Variants in UGGT2 observed in about 807,000 individuals in gnomAD.
UGGT2 encodes UDP-glucose:glycoprotein glucosyltransferase 2.
Under a neutral mutation model 192.1 loss-of-function variants are expected in UGGT2, and 180 were observed. The observed-to-expected ratio is 0.94, with a 90% CI of 0.83 to 1.06. The LOEUF (loss-of-function observed/expected upper bound fraction) is 1.06, where lower values mean the gene tolerates loss of function less well. Ranked by LOEUF, UGGT2 falls within the 50% of genes least tolerant of loss-of-function variation. The pLI, the probability that UGGT2 is intolerant of heterozygous loss-of-function variation, is 0.00. For missense variants in UGGT2, 1,849 were observed against 1,795.7 expected, an observed-to-expected ratio of 1.03 and a Z score of -0.54; for synonymous variants, 580 against 591.0, an observed-to-expected ratio of 0.98 and a Z score of 0.27.
chr13:95,933,666 A>C (rs1160879171), intron 17 of UGGT2, among the ~76,000 whole-genome samples: 1 of 144,024 alleles, frequency 6.9e-6, no homozygotes, highest in Admixed American at 6.9e-5. Context: ...ATTTTGAGAT[A>C]GTTCTAAATT....
At chr13:95,851,577 G>C (rs983785265) in intron 36 of UGGT2, among the ~76,000 whole-genome samples, 1 of 152,180 alleles carries the variant, frequency 6.6e-6, no homozygotes, top group Non-Finnish European at 1.5e-5. Flanking sequence ...AGAGAGTCAA[G>C]AGAGTGTCAA....
At chr13:95,864,188 C>T (rs1387610877) in intron 30 of UGGT2, among the ~76,000 whole-genome samples, 1 of 152,064 alleles carries the variant, frequency 6.6e-6, no homozygotes, top group Non-Finnish European at 1.5e-5. Flanking sequence ...TTTATTCCCA[C>T]AATCCCAACA....
intron 20 of UGGT2, among the ~76,000 whole-genome samples, chr13:95,915,924 G>C (rs2048668557): frequency 6.6e-6 from 1 of 152,210 alleles, no homozygotes; most frequent in Non-Finnish European, 1.5e-5. Context: ...TTCCCAGTGG[G>C]AGAAGCGGCT....
intron 2 of UGGT2, among the ~76,000 whole-genome samples, chr13:96,028,385 A>C (rs1219983688): frequency 6.6e-6 from 1 of 152,236 alleles, no homozygotes; most frequent in African/African-American, 2.4e-5. Flanking sequence ...AAAACCACTA[A>C]AATCTTCAAG....
At chr13:95,889,840 A>T (rs1313767780) in intron 25 of UGGT2, among the ~76,000 whole-genome samples, 1 of 152,176 alleles carries the variant, frequency 6.6e-6, no homozygotes, top group Non-Finnish European at 1.5e-5. Flanking sequence ...CATTCTGGTC[A>T]GTGAGAAGTG....
intron 17 of UGGT2, among the ~76,000 whole-genome samples, chr13:95,927,601 A>G (rs999725421): frequency 2.6e-5 from 4 of 152,012 alleles, no homozygotes; most frequent in African/African-American, 9.7e-5. Context: ...TGAGCAGGAC[A>G]ATTCTCATTA....
intron 36 of UGGT2, among the ~76,000 whole-genome samples, chr13:95,842,529 A>G (rs1451710266): frequency 6.6e-6 from 1 of 152,026 alleles, no homozygotes; most frequent in Non-Finnish European, 1.5e-5. Flanking sequence ...ATAATTCCTG[A>G]CTTCTGGTAT....
chr13:95,826,742 G>A (rs1212091502), intron 38 of UGGT2, among the ~76,000 whole-genome samples: 1 of 151,946 alleles, frequency 6.6e-6, no homozygotes, highest in Non-Finnish European at 1.5e-5. Flanking sequence ...TAGTTTCCAT[G>A]AAGATGTCAA....
intron 2 of UGGT2, among the ~76,000 whole-genome samples, chr13:96,028,630 T>G (rs913264240): frequency 6.6e-6 from 1 of 152,206 alleles, no homozygotes; most frequent in African/African-American, 2.4e-5. Flanking sequence ...TGCTGGCATA[T>G]AATATAAAGT....
intron 36 of UGGT2, among the ~76,000 whole-genome samples, chr13:95,849,896 C>CTATA: frequency 6.8e-6 from 1 of 146,104 alleles, no homozygotes; most frequent in Non-Finnish European, 1.5e-5. Context: ...TTTGACCTTG[C>CTATA]TATAATCCCT....
intron 27 of UGGT2, among the ~76,000 whole-genome samples, chr13:95,880,188 TTTAA>T (rs1325274308): frequency 3.9e-5 from 6 of 152,324 alleles, no homozygotes; most frequent in African/African-American, 1.4e-4. Context: ...AAAGGCTAAG[TTTAA>T]TTATAAAGAT....
At chr13:95,923,445 T>C (rs1257234784) in intron 20 of UGGT2, among the ~76,000 whole-genome samples, 1 of 150,366 alleles carries the variant, frequency 6.7e-6, no homozygotes, top group Non-Finnish European at 1.5e-5. Context: ...CTTGGCTCAC[T>C]GCAACCTCCG....
At chr13:96,015,139 G>C (rs948750183) in intron 4 of UGGT2, among the ~76,000 whole-genome samples, 1 of 151,824 alleles carries the variant, frequency 6.6e-6, no homozygotes, top group African/African-American at 2.4e-5. Context: ...TTAGCCGGGC[G>C]TGGTGGCAGA....
At chr13:95,896,645 T>C (rs1173071518) in intron 22 of UGGT2, among the ~76,000 whole-genome samples, 1 of 152,062 alleles carries the variant, frequency 6.6e-6, no homozygotes, top group Non-Finnish European at 1.5e-5. Context: ...ACTGATTAAA[T>C]TTACCAGAAA....
intron 12 of UGGT2, among the ~76,000 whole-genome samples, chr13:95,962,329 G>C (rs1369518561): frequency 6.6e-6 from 1 of 151,888 alleles, no homozygotes; most frequent in Non-Finnish European, 1.5e-5. Flanking sequence ...GACTAACCAT[G>C]ACAGAGAAGA....
chr13:95,943,473 C>T (rs1345204821), intron 15 of UGGT2, among the ~76,000 whole-genome samples: 1 of 151,826 alleles, frequency 6.6e-6, no homozygotes, highest in Admixed American at 6.6e-5. Flanking sequence ...GGAGTCATTA[C>T]AGAAAGTACT....
chr13:95,813,529 G>T (rs1309058773), intron 38 of UGGT2, among the ~76,000 whole-genome samples: 1 of 152,154 alleles, frequency 6.6e-6, no homozygotes, highest in Non-Finnish European at 1.5e-5. Context: ...TGGGAGTAAA[G>T]AAATGATTTA....
intron 38 of UGGT2, among the ~76,000 whole-genome samples, chr13:95,813,684 A>T (rs958716046): frequency 6.6e-6 from 1 of 152,232 alleles, no homozygotes; most frequent in African/African-American, 2.4e-5. Flanking sequence ...CATAACCAAA[A>T]GTGAGCCAAG....
chr13:95,973,859 G>A (rs770742106), intron 10 of UGGT2, among the ~76,000 whole-genome samples: 11 of 152,120 alleles, frequency 7.2e-5, no homozygotes, highest in African/African-American at 1.7e-4. Flanking sequence ...TATCTCACAT[G>A]TTTGCTATAG....
Sources: gnomAD v4.1 joint callset for allele counts (sites outside exome capture counted in the v4.1 genomes callset) on GRCh38, gnomAD v4.1.1 for gene constraint, MANE v1.5 for transcripts, NCBI Gene and HGNC (gene_info 2026-07-23, HGNC 2026-07-21) for gene names.